The following CNTNAP3B variants were observed in gnomAD, a reference collection of about 807,000 sequenced individuals.
The protein encoded by CNTNAP3B is contactin associated protein family member 3B.
In CNTNAP3B, 25 loss-of-function variants were observed where a neutral mutation model predicts 108.9. That is an observed-to-expected ratio of 0.23 (90% CI 0.17 to 0.32). CNTNAP3B has a LOEUF of 0.32. CNTNAP3B is among the 10% of genes least tolerant of loss of function. CNTNAP3B has a pLI of 1.00. For synonymous variants in CNTNAP3B, 103 were observed against 473.4 expected (o/e 0.22, Z 10.16); for missense variants, 252 against 1,210.4 (o/e 0.21, Z 11.75).
chr9:41,961,972 CAAATT>C (rs1247770343), intron 11 of CNTNAP3B, among the ~76,000 whole-genome samples: 1 of 152,292 alleles, frequency 6.6e-6, no homozygotes, highest in African/African-American at 2.4e-5. Flanking sequence ...AGGATTCACT[CAAATT>C]AATAACAATA....
chr9:41,940,676 G>C (rs1422455927), intron 13 of CNTNAP3B, among the ~76,000 whole-genome samples: 1 of 152,122 alleles, frequency 6.6e-6, no homozygotes, highest in African/African-American at 2.4e-5. Flanking sequence ...ATAGACGAGC[G>C]TAGCGGCGGG....
At chr9:41,956,143 T>C (rs1824850455) in intron 12 of CNTNAP3B, among the ~76,000 whole-genome samples, 1 of 152,222 alleles carries the variant, frequency 6.6e-6, no homozygotes, top group South Asian at 2.1e-4. Flanking sequence ...TCCCAGCACT[T>C]TGGGAGGCCG....
At chr9:41,930,876 G>A (rs1468802434) in intron 14 of CNTNAP3B, among the ~76,000 whole-genome samples, 1 of 152,166 alleles carries the variant, frequency 6.6e-6, no homozygotes, top group African/African-American at 2.4e-5. Flanking sequence ...GTATGTAACT[G>A]TATATGTAAT....
At chr9:41,948,251 C>T (rs1177200193) in intron 13 of CNTNAP3B, among the ~76,000 whole-genome samples, 1 of 147,662 alleles carries the variant, frequency 6.8e-6, no homozygotes, top group African/African-American at 2.5e-5. Context: ...GCCACCACAC[C>T]CAACTAATTT....
intron 14 of CNTNAP3B, among the ~76,000 whole-genome samples, chr9:41,931,953 A>T (rs1480151831): frequency 3.9e-4 from 59 of 152,184 alleles, no homozygotes; most frequent in Admixed American, 1.2e-3. Context: ...TGAAATCCAC[A>T]TTTCAGTTTA....
chr9:41,940,538 G>A (rs1824306370), intron 13 of CNTNAP3B, among the ~76,000 whole-genome samples: 1 of 151,778 alleles, frequency 6.6e-6, no homozygotes. Context: ...AATCTTTTTA[G>A]GCCGGGTGCG....
chr9:42,057,736 TC>T (rs1827102701), intron 3 of CNTNAP3B, among the ~76,000 whole-genome samples: 1 of 125,642 alleles, frequency 8.0e-6, no homozygotes, highest in Non-Finnish European at 1.6e-5. Flanking sequence ...AAACTAAAAA[TC>T]TATTCTCAGC....
intron 1 of CNTNAP3B, among the ~76,000 whole-genome samples, chr9:42,105,746 A>T (rs3847209): frequency 0.15 from 10,240 of 69,910 alleles, 80 homozygotes; most frequent in East Asian, 0.26. Flanking sequence ...ACTTTCAGGC[A>T]TGTCATATAT....
chr9:42,044,889 C>G (rs1826840224), intron 3 of CNTNAP3B, among the ~76,000 whole-genome samples: 1 of 110,726 alleles, frequency 9.0e-6, no homozygotes, highest in African/African-American at 3.5e-5. Flanking sequence ...CTTGAGCAAG[C>G]TGAAAGCAAT....
chr9:42,055,291 GTATA>G (rs200799498), intron 3 of CNTNAP3B, among the ~76,000 whole-genome samples: 2 of 121,388 alleles, frequency 1.6e-5, no homozygotes, highest in African/African-American at 3.3e-5. Flanking sequence ...ATTTACATGA[GTATA>G]TATATATATA....
At chr9:42,041,853 C>G (rs1415707797) in intron 3 of CNTNAP3B, among the ~76,000 whole-genome samples, 1 of 144,846 alleles carries the variant, frequency 6.9e-6, no homozygotes, top group Non-Finnish European at 1.5e-5. Flanking sequence ...CCATCAATGA[C>G]AGAATGGATT....
intron 17 of CNTNAP3B, among the ~76,000 whole-genome samples, chr9:41,921,147 G>T (rs1359169900): frequency 6.6e-6 from 1 of 152,424 alleles, no homozygotes; most frequent in African/African-American, 2.4e-5. Context: ...CAGCTTTGTG[G>T]GTGATTCTGA....
chr9:41,925,510 G>A (rs1158097752), intron 15 of CNTNAP3B, among the ~76,000 whole-genome samples: 2 of 152,252 alleles, frequency 1.3e-5, no homozygotes, highest in Non-Finnish European at 2.9e-5. Context: ...GGAGAATGAC[G>A]TGAACCCGGG....
At chr9:41,995,675 G>A (rs1825883114) in intron 7 of CNTNAP3B, among the ~76,000 whole-genome samples, 1 of 123,216 alleles carries the variant, frequency 8.1e-6, no homozygotes, top group African/African-American at 3.4e-5. Context: ...AGCTTGCAGT[G>A]AGCCAAGATC....
At position 42,126,672 on chromosome 9, in the gene CNTNAP3B, C is replaced by T. The variant is rs371312870; in HGVS notation, c.85+2338G>A. The stretch of plus-strand genomic sequence containing the variant: ...GCAACCTCCACCTCCCAGGTTCAAG[C>T]GATTCTCCTGCCTCAGCCTCCCGAG... On this transcript the variant is annotated intron_variant, in intron 1 of 23. Transcript: ENST00000377561. 1.3e-4 allele frequency among the ~76,000 whole-genome samples: 18 copies of T among 135,694 alleles called. 1 individual carries two copies. Among genetic ancestry groups the T allele is most frequent in the South Asian group, 7.2e-4 (3 of 4,164 alleles). The allele number at this position is 135,694 out of a possible 152,430, so 89.0% of individuals were successfully genotyped here. A position where few individuals can be genotyped will look rare whatever the true frequency, so the allele number is the denominator to read the frequency against.
chr9:42,080,067 T>A (rs1387281483), intron 2 of CNTNAP3B, among the ~76,000 whole-genome samples: 1 of 131,284 alleles, frequency 7.6e-6, no homozygotes, highest in Admixed American at 7.7e-5. Flanking sequence ...TTTAGAAAAG[T>A]AATTACTATG....
intron 15 of CNTNAP3B, among the ~76,000 whole-genome samples, chr9:41,924,667 AC>A (rs2117968142): frequency 6.6e-6 from 1 of 150,722 alleles, no homozygotes; most frequent in Non-Finnish European, 1.5e-5. Context: ...ACACACACAC[AC>A]ACACACACAC....
chr9:41,935,006 T>TA (rs1205062698), intron 14 of CNTNAP3B, among the ~76,000 whole-genome samples: 1 of 152,148 alleles, frequency 6.6e-6, no homozygotes. Flanking sequence ...AACTTGTGGA[T>TA]TTTTGCAGAC....
intron 2 of CNTNAP3B, among the ~76,000 whole-genome samples, chr9:42,103,332 A>G (rs1415486654): frequency 6.7e-5 from 10 of 148,500 alleles, no homozygotes; most frequent in African/African-American, 2.6e-4. Flanking sequence ...GCCTATAACA[A>G]ATGCCAGAAC....
Sources: allele counts gnomAD v4.1 joint callset (sites outside exome capture counted in the v4.1 genomes callset), GRCh38; gene constraint gnomAD v4.1.1; transcripts MANE v1.5; gene names NCBI Gene and HGNC (gene_info 2026-07-23, HGNC 2026-07-21).